HAUS8: variants seen among roughly 807,000 people sequenced by gnomAD.
HAUS8 encodes the protein HAUS augmin like complex subunit 8.
A neutral mutation model predicts 42.9 loss-of-function variants in HAUS8; 38 were observed. The ratio of observed to expected loss-of-function variants is 0.89; its 90% CI spans 0.68 to 1.16. The LOEUF is 1.16. Ranked by LOEUF, HAUS8 falls within the 50% of genes most tolerant of loss-of-function variation. The pLI is 0.00. For synonymous variants in HAUS8, 199 were observed against 205.8 expected, an observed-to-expected ratio of 0.97 and a Z score of 0.28; for missense variants, 494 against 511.6, an observed-to-expected ratio of 0.97 and a Z score of 0.33.
intron 8 of HAUS8, among the ~76,000 whole-genome samples, chr19:17,056,548 T>G (rs988237669): frequency 1.3e-5 from 2 of 150,792 alleles, no homozygotes; most frequent in Non-Finnish European, 3.0e-5. Context: ...CACACACACA[T>G]ACACACACAC....
At chr19:17,053,664 C>CT (rs34414452) in intron 9 of HAUS8, 2,336 of 135,868 alleles carry the variant, frequency 0.017, 39 homozygotes, top group South Asian at 0.045. Flanking sequence ...TTCTTTTTTT[C>CT]TTTTTTTTTT....
chr19:17,055,865 G>A lies in HAUS8; in HGVS notation c.783C>T (p.Leu261=). The A allele has an allele frequency of 6.2e-7, 1 of 1,613,634 alleles. No homozygotes were observed. The highest frequency in any genetic ancestry group is 8.5e-7 in the Non-Finnish European group (1 of 1,179,890). Residue 261 remains leucine, a synonymous_variant, in exon 9 of 11, where the codon CTC becomes CTT. Transcript: ENST00000253669. ...CTGGGACGCCCCGTTTCCTACCTAAGAGCTGCTGCCCATCTCCCTCCAGGT... is the reference window on the plus strand; with the variant it reads ...CTGGGACGCCCCGTTTCCTACCTAAAAGCTGCTGCCCATCTCCCTCCAGGT... ...SIHLEGDGQQ[L]LDALQHELVT...
intron 9 of HAUS8, chr19:17,055,139 AAAAAATATATATATATAT>A (rs1599971669): frequency 1.2e-4 from 3 of 24,464 alleles, no homozygotes; most frequent in South Asian, 2.2e-3. Context: ...AAAAAAAAAA[AAAAAATATATATATATAT>A]ATATATATAT....
At chr19:17,072,246 G>A (rs909832568) in intron 2 of HAUS8, among the ~76,000 whole-genome samples, 2 of 151,392 alleles carry the variant, frequency 1.3e-5, no homozygotes, top group Non-Finnish European at 1.5e-5. Flanking sequence ...TGGGCCCTGC[G>A]ACACTGCACA....
intron 3 of HAUS8, among the ~76,000 whole-genome samples, chr19:17,065,549 G>A (rs896317554): frequency 2.6e-5 from 4 of 152,268 alleles, no homozygotes; most frequent in African/African-American, 9.6e-5. Flanking sequence ...ACCCAAAGGA[G>A]CTGGGCGTGG....
intron 1 of HAUS8, chr19:17,073,565 G>A (rs942295740): frequency 3.5e-6 from 2 of 566,896 alleles, no homozygotes; most frequent in African/African-American, 3.8e-5. Flanking sequence ...AAGAGAGGAG[G>A]GTAATGAGAG....
chr19:17,073,514 G>T (rs967461081), intron 1 of HAUS8, 179 bp from the exon 2 acceptor site: 2 of 645,946 alleles, frequency 3.1e-6, no homozygotes, highest in Non-Finnish European at 5.6e-6. Context: ...GCCAGCCCTG[G>T]TCACCTGGGC....
intron 8 of HAUS8, 22 bp downstream of exon 8, chr19:17,058,527 C>G: frequency 6.4e-7 from 1 of 1,567,136 alleles, no homozygotes; most frequent in Non-Finnish European, 8.6e-7. Context: ...TCACTGGTCA[C>G]AGAGTGTCAC....
chr19:17,064,034 A>C (rs1222674786), intron 3 of HAUS8, among the ~76,000 whole-genome samples: 2 of 152,188 alleles, frequency 1.3e-5, no homozygotes, highest in Non-Finnish European at 2.9e-5. Flanking sequence ...GGAGAACTCT[A>C]ATACAGCAGG....
intron 3 of HAUS8, 118 bp from the exon 4 acceptor site, chr19:17,062,897 T>G: frequency 2.7e-6 from 2 of 740,376 alleles, no homozygotes; most frequent in Non-Finnish European, 4.6e-6. Context: ...GGGGAGACAT[T>G]TAAAGAGGTT....
intron 4 of HAUS8, chr19:17,060,296 C>T (rs943844609): frequency 7.5e-6 from 4 of 531,042 alleles, no homozygotes; most frequent in South Asian, 5.5e-5. Context: ...TAAAGTACCA[C>T]TAGAAGACAG....
chr19:17,053,004 G>A (rs1477036385), intron 9 of HAUS8, 38 bp from the exon 10 acceptor site: 2 of 1,613,544 alleles, frequency 1.2e-6, no homozygotes. Flanking sequence ...TGGATGGCAA[G>A]GTGCCCCACG....
chr19:17,069,473 C>G (rs1196095739), intron 2 of HAUS8, among the ~76,000 whole-genome samples: 1 of 151,036 alleles, frequency 6.6e-6, no homozygotes, highest in South Asian at 2.1e-4. Flanking sequence ...CCCCTTCCCC[C>G]GCCTGTGTGT....
At chr19:17,061,344 C>T (rs1196087178) in intron 4 of HAUS8, among the ~76,000 whole-genome samples, 1 of 151,960 alleles carries the variant, frequency 6.6e-6, no homozygotes, top group Non-Finnish European at 1.5e-5. Context: ...CACCATGTTG[C>T]CAGGTAGGTC....
intron 2 of HAUS8, among the ~76,000 whole-genome samples, chr19:17,072,110 T>C (rs2123385413): frequency 6.6e-6 from 1 of 152,350 alleles, no homozygotes; most frequent in Admixed American, 6.5e-5. Context: ...TATGCGAGAT[T>C]AACATGCGAT....
chr19:17,058,943 AG>A, intron 6 of HAUS8, 67 bp from the exon 7 acceptor site: 1 of 1,357,718 alleles, frequency 7.4e-7, no homozygotes, highest in South Asian at 1.2e-5. Context: ...TTTTCCCAGC[AG>A]GGGGAGAACT....
intron 8 of HAUS8, 93 bp downstream of exon 8, chr19:17,058,456 A>G: frequency 1.6e-6 from 2 of 1,286,798 alleles, no homozygotes; most frequent in Non-Finnish European, 2.1e-6. Flanking sequence ...CCAGTGAGCA[A>G]TGATACCCTA....
rs778869266 is a variant in HAUS8 at position 17,049,840 on chromosome 19, A to G, written c.*33T>C. 4.2e-6 allele frequency: 6 copies of G among 1,413,976 alleles called. No individual in the cohort carries two copies. The African/African-American group carries it at 8.8e-5, about 21-fold the overall frequency. The allele number at this position is 1,413,976 out of a possible 1,614,324, so 87.6% of individuals were successfully genotyped here. On this transcript the variant is annotated 3_prime_UTR_variant, in exon 11 of 11. Coordinates refer to ENST00000253669, the MANE Select transcript of HAUS8 (RefSeq NM_033417.2). ...TAGCTACAGTGCTACGGTAGTATATAAAGTGCTCAAGTATCCTGAATGTAA... is the reference window on the plus strand; with the variant it reads ...TAGCTACAGTGCTACGGTAGTATATGAAGTGCTCAAGTATCCTGAATGTAA...
chr19:17,072,109 T>C (rs756745516), intron 2 of HAUS8, among the ~76,000 whole-genome samples: 4 of 152,234 alleles, frequency 2.6e-5, no homozygotes, highest in African/African-American at 4.8e-5. Context: ...ATATGCGAGA[T>C]TAACATGCGA....
Sources: gnomAD v4.1 joint callset for allele counts (sites outside exome capture counted in the v4.1 genomes callset) on GRCh38, gnomAD v4.1.1 for gene constraint, MANE v1.5 for transcripts, NCBI Gene and HGNC (gene_info 2026-07-23, HGNC 2026-07-21) for gene names.